The following SLC24A4 variants were observed in gnomAD, a reference collection of about 807,000 sequenced individuals.
SLC24A4 encodes sodium/potassium/calcium exchanger 4.
In SLC24A4, 53 loss-of-function variants were observed where a neutral mutation model predicts 79.0. The observed-to-expected ratio is 0.67, with a 90% confidence interval of 0.54 to 0.84. SLC24A4 has a LOEUF of 0.84. Among genes scored for constraint, SLC24A4 ranks in the 40% least tolerant of loss-of-function variants. The probability of loss-of-function intolerance (pLI) is 0.00; values close to 1 mark genes in which losing one functional copy is unlikely to be tolerated. For missense variants in SLC24A4, 731 were observed against 822.0 expected, an observed-to-expected ratio of 0.89 and a Z score of 1.35; for synonymous variants, 323 against 323.8, an observed-to-expected ratio of 1.00 and a Z score of 0.03.
At chr14:92,387,097 C>T (rs575653287) in intron 2 of SLC24A4, among the ~76,000 whole-genome samples, 1 of 149,308 alleles carries the variant, frequency 6.7e-6, no homozygotes, top group East Asian at 2.0e-4. Flanking sequence ...AGAAAGGAAA[C>T]AGTACAGTAG....
chr14:92,347,950 A>G (rs888907941), intron 2 of SLC24A4, among the ~76,000 whole-genome samples: 2 of 152,110 alleles, frequency 1.3e-5, no homozygotes, highest in African/African-American at 4.8e-5. Flanking sequence ...AAAAACAAAC[A>G]AACAAAAAAC....
At chr14:92,391,396 C>T (rs922738576) in intron 2 of SLC24A4, among the ~76,000 whole-genome samples, 9 of 152,184 alleles carry the variant, frequency 5.9e-5, no homozygotes, top group Non-Finnish European at 7.4e-5. Flanking sequence ...GTTGTTACCA[C>T]GCTAAACACT....
intron 2 of SLC24A4, among the ~76,000 whole-genome samples, chr14:92,359,746 TC>T (rs1887394047): frequency 2.0e-5 from 3 of 152,242 alleles, no homozygotes; most frequent in African/African-American, 7.2e-5. Flanking sequence ...CCAGGAGCTT[TC>T]CTGCAGGCAT....
At chr14:92,327,645 C>T (rs1885224573) in intron 2 of SLC24A4, among the ~76,000 whole-genome samples, 1 of 152,226 alleles carries the variant, frequency 6.6e-6, no homozygotes. Context: ...ATGCCCTCCT[C>T]TGTGACTTCT....
chr14:92,408,202 T>TGTG (rs33968349), intron 2 of SLC24A4, among the ~76,000 whole-genome samples: 2 of 151,438 alleles, frequency 1.3e-5, no homozygotes, highest in African/African-American at 2.4e-5. Flanking sequence ...TGTGTGTGTG[T>TGTG]TTCACATCCA....
rs776023019 is a variant in SLC24A4, at chr14:92,487,965, T to TTCCTCCTCCTGC, written c.1537+1196_1537+1207dup. Among the ~76,000 whole-genome samples the TTCCTCCTCCTGC allele has an allele frequency of 1.3e-4, 20 of 151,748 alleles. 1 individual carries two copies. Among genetic ancestry groups the TTCCTCCTCCTGC allele is most frequent in the Admixed American group, 1.2e-3 (19 of 15,252 alleles). ...CTTCCCTTGGTATGTCTGTGTCGACTTCCTCCTCCTGCTCCTCCTCCTCCT... is the reference window on the plus strand; with the variant it reads ...CTTCCCTTGGTATGTCTGTGTCGACTTCCTCCTCCTGCTCCTCCTCCTGCTCCTCCTCCTCCT... On this transcript the variant is annotated intron_variant, in intron 14 of 16. Coordinates refer to ENST00000532405, the MANE Select transcript of SLC24A4 (RefSeq NM_153646.4).
At chr14:92,385,082 G>A (rs1176590707) in intron 2 of SLC24A4, among the ~76,000 whole-genome samples, 4 of 152,220 alleles carry the variant, frequency 2.6e-5, no homozygotes, top group Non-Finnish European at 5.9e-5. Flanking sequence ...CGCTTAACAA[G>A]CATCTGTTGC....
intron 2 of SLC24A4, among the ~76,000 whole-genome samples, chr14:92,383,049 C>T (rs181271262): frequency 1.2e-3 from 176 of 152,314 alleles, no homozygotes; most frequent in Non-Finnish European, 2.0e-3. Flanking sequence ...CCACTGGCCA[C>T]GTGTGGACCC....
intron 2 of SLC24A4, among the ~76,000 whole-genome samples, chr14:92,361,846 G>C (rs903423614): frequency 5.3e-5 from 8 of 152,126 alleles, no homozygotes; most frequent in African/African-American, 9.7e-5. Flanking sequence ...CTCCAGAGAG[G>C]AACATGTGTC....
At chr14:92,372,917 CT>C (rs1555363109) in intron 2 of SLC24A4, among the ~76,000 whole-genome samples, 18 of 108,970 alleles carry the variant, frequency 1.7e-4, no homozygotes, top group Admixed American at 1.2e-3. Context: ...TCCTTCCTTC[CT>C]TTCTTTCTCT....
intron 2 of SLC24A4, among the ~76,000 whole-genome samples, chr14:92,422,802 G>A (rs1052773150): frequency 1.3e-5 from 2 of 152,122 alleles, no homozygotes; most frequent in African/African-American, 2.4e-5. Context: ...CCTAGGTTCC[G>A]AATTTACTTT....
intron 2 of SLC24A4, among the ~76,000 whole-genome samples, chr14:92,367,563 A>G (rs1221636070): frequency 6.6e-6 from 1 of 152,214 alleles, no homozygotes; most frequent in Non-Finnish European, 1.5e-5. Flanking sequence ...TGAGAAGTGA[A>G]GGGGTATCAA....
At chr14:92,452,079 C>T (rs1893172547) in intron 10 of SLC24A4, 3 of 152,280 alleles carry the variant, frequency 2.0e-5, no homozygotes, top group Admixed American at 2.0e-4. Context: ...TAGCTTTTAT[C>T]AGAGTGAATG....
intron 2 of SLC24A4, among the ~76,000 whole-genome samples, chr14:92,370,404 G>A (rs1358359287): frequency 6.6e-6 from 1 of 152,068 alleles, no homozygotes; most frequent in Non-Finnish European, 1.5e-5. Flanking sequence ...GATGTAAAAG[G>A]CATTGCTATT....
chr14:92,404,646 G>A (rs1391716091), intron 2 of SLC24A4, among the ~76,000 whole-genome samples: 2 of 152,124 alleles, frequency 1.3e-5, no homozygotes, highest in Non-Finnish European at 2.9e-5. Flanking sequence ...ACACCTCCTA[G>A]TGAGGCACTT....
At chr14:92,492,919 A>C (rs923255358) in intron 16 of SLC24A4, 2 of 452,860 alleles carry the variant, frequency 4.4e-6, no homozygotes, top group African/African-American at 4.1e-5. Flanking sequence ...AGGATCAGGG[A>C]GGAATGTAAG....
chr14:92,442,274 C>A (rs1380676117), intron 5 of SLC24A4, 101 bp downstream of exon 5: 2 of 887,724 alleles, frequency 2.3e-6, no homozygotes, highest in East Asian at 5.3e-5. Flanking sequence ...GTTTTCTCAT[C>A]TGTAAAATGG....
At chr14:92,374,418 C>T (rs769805720) in intron 2 of SLC24A4, among the ~76,000 whole-genome samples, 78 of 152,302 alleles carry the variant, frequency 5.1e-4, no homozygotes, top group African/African-American at 1.4e-3. Flanking sequence ...CAATGGTATG[C>T]GAACAGTCAG....
intron 2 of SLC24A4, among the ~76,000 whole-genome samples, chr14:92,340,718 A>G (rs549101465): frequency 2.6e-5 from 4 of 152,100 alleles, no homozygotes; most frequent in African/African-American, 7.2e-5. Context: ...TGTGATATTC[A>G]CCATCAGAAG....
Sources: gnomAD v4.1 joint callset for allele counts (sites outside exome capture counted in the v4.1 genomes callset) on GRCh38, gnomAD v4.1.1 for gene constraint, MANE v1.5 for transcripts, NCBI Gene and HGNC (gene_info 2026-07-23, HGNC 2026-07-21) for gene names.